The following SPHKAP variants were observed in gnomAD, a reference collection of about 807,000 sequenced individuals.
The protein encoded by SPHKAP is SPHK1 interactor, AKAP domain containing.
A neutral mutation model predicts 137.5 loss-of-function variants in SPHKAP; 67 were observed. The observed-to-expected ratio is 0.49, with a 90% confidence interval of 0.40 to 0.60. The LOEUF (loss-of-function observed/expected upper bound fraction) is 0.60, where lower values mean the gene tolerates loss of function less well. Ranked by LOEUF, SPHKAP falls within the 20% of genes least tolerant of loss-of-function variation. The probability of loss-of-function intolerance (pLI) is 0.00; values close to 1 mark genes in which losing one functional copy is unlikely to be tolerated. For missense variants in SPHKAP, 2,097 were observed against 2,069.3 expected (o/e 1.01, Z -0.26); for synonymous variants, 813 against 785.3 (o/e 1.04, Z -0.59).
chr2:228,173,235 T>C (rs546595928), intron 1 of SPHKAP, among the ~76,000 whole-genome samples: 3 of 152,182 alleles, frequency 2.0e-5, no homozygotes, highest in South Asian at 4.1e-4. Context: ...TTAGTCCTAG[T>C]AGAATTTCAT....
At chr2:228,000,186 T>C (rs1693795053) in intron 7 of SPHKAP, among the ~76,000 whole-genome samples, 1 of 152,210 alleles carries the variant, frequency 6.6e-6, no homozygotes, top group Admixed American at 6.5e-5. Context: ...CGTCTTAAGA[T>C]TGGCAACGTT....
At chr2:228,038,367 T>A (rs1695714027) in intron 3 of SPHKAP, among the ~76,000 whole-genome samples, 1 of 152,098 alleles carries the variant, frequency 6.6e-6, no homozygotes, top group Non-Finnish European at 1.5e-5. Flanking sequence ...ATAAAGTTTT[T>A]ATTTTTTTTT....
At chr2:228,168,662 A>G (rs1700489834) in intron 1 of SPHKAP, among the ~76,000 whole-genome samples, 1 of 152,134 alleles carries the variant, frequency 6.6e-6, no homozygotes, top group Middle Eastern at 3.2e-3. Context: ...ATTCTCCAAG[A>G]CAAAATAATA....
intron 11 of SPHKAP, among the ~76,000 whole-genome samples, chr2:227,983,497 C>G (rs1391979370): frequency 6.6e-6 from 1 of 152,124 alleles, no homozygotes; most frequent in Non-Finnish European, 1.5e-5. Flanking sequence ...AATCTCCCAG[C>G]AGAAGGACAT....
intron 1 of SPHKAP, among the ~76,000 whole-genome samples, chr2:228,154,550 T>A (rs1282782296): frequency 3.9e-4 from 26 of 66,594 alleles, no homozygotes; most frequent in Non-Finnish European, 6.3e-4. Flanking sequence ...TTTTTTTTTT[T>A]TTTTTTTTTT....
chr2:228,179,708 C>A (rs1700844344), intron 1 of SPHKAP, among the ~76,000 whole-genome samples: 1 of 152,170 alleles, frequency 6.6e-6, no homozygotes, highest in Non-Finnish European at 1.5e-5. Flanking sequence ...TAGGCCACTA[C>A]AAGATACAGA....
chr2:228,058,293 T>A (rs1696515388), intron 3 of SPHKAP, among the ~76,000 whole-genome samples: 1 of 152,228 alleles, frequency 6.6e-6, no homozygotes, highest in African/African-American at 2.4e-5. Context: ...AACGCTCATA[T>A]GTACAATGTC....
chr2:228,170,533 CTGATTAGTTGGCAG>C (rs1437180752), intron 1 of SPHKAP, among the ~76,000 whole-genome samples: 1 of 152,068 alleles, frequency 6.6e-6, no homozygotes, highest in African/African-American at 2.4e-5. Flanking sequence ...AACAATCACC[CTGATTAGTTGGCAG>C]CCATCAACGT....
At chr2:228,082,456 A>AGTT (rs5839252) in intron 3 of SPHKAP, among the ~76,000 whole-genome samples, 152,268 of 152,298 alleles carry the variant, frequency 1, 76,119 homozygotes, top group Middle Eastern at 1. Flanking sequence ...AAGTAGATAA[A>AGTT]GTTGTTATTA....
intron 2 of SPHKAP, among the ~76,000 whole-genome samples, chr2:228,129,735 AAT>A (rs926727087): frequency 1.1e-4 from 17 of 151,082 alleles, no homozygotes; most frequent in Admixed American, 8.6e-4. Context: ...TACACACACA[AAT>A]ATATATATAT....
At chr2:228,115,562 C>T (rs749707979) in intron 2 of SPHKAP, among the ~76,000 whole-genome samples, 1 of 152,096 alleles carries the variant, frequency 6.6e-6, no homozygotes, top group Non-Finnish European at 1.5e-5. Flanking sequence ...TAAGTTCTTT[C>T]AATTACTTAA....
At chr2:228,073,688 T>C (rs559229206) in intron 3 of SPHKAP, among the ~76,000 whole-genome samples, 12 of 152,340 alleles carry the variant, frequency 7.9e-5, no homozygotes, top group African/African-American at 2.6e-4. Context: ...TCACAGACTT[T>C]CAAAGCAGAA....
intron 7 of SPHKAP, among the ~76,000 whole-genome samples, chr2:228,015,704 T>C (rs1266475549): frequency 1.3e-5 from 2 of 152,196 alleles, no homozygotes; most frequent in African/African-American, 2.4e-5. Context: ...CAGTGTTGCT[T>C]TGCATTTACA....
chr2:228,018,630 T>A lies in SPHKAP; in HGVS notation c.2224A>T (p.Ile742Phe). The A allele has an allele frequency of 6.2e-7, 1 of 1,614,078 alleles. No homozygotes were observed. The highest frequency in any genetic ancestry group is 8.5e-7 in the Non-Finnish European group (1 of 1,180,010). ...ECPAVLSKET[I>F]RRRETEPSCQ... ...CTTGGTTCTGTCTCCCTCCTTCTGA[T>A]GGTCTCCTTAGAAAGGACAGCAGGA... Residue 742 changes from isoleucine (I) to phenylalanine (F), a missense_variant, in exon 7 of 12, where the codon ATC (isoleucine) becomes TTC (phenylalanine). Physicochemically the swap from Ile to Phe is conservative, Grantham distance 21. Coordinates refer to ENST00000392056, the MANE Select transcript of SPHKAP (RefSeq NM_001142644.2).
intron 7 of SPHKAP, among the ~76,000 whole-genome samples, chr2:228,001,595 G>A (rs762128684): frequency 1.1e-4 from 17 of 148,282 alleles, no homozygotes; most frequent in Non-Finnish European, 2.4e-4. Flanking sequence ...TATACTTTAA[G>A]TTCTAGGGTA....
intron 2 of SPHKAP, among the ~76,000 whole-genome samples, chr2:228,123,173 G>A (rs146091805): frequency 2.6e-4 from 39 of 152,250 alleles, no homozygotes; most frequent in African/African-American, 8.2e-4. Flanking sequence ...TCTTGAAAAC[G>A]ATCAGATTAG....
chr2:228,037,561 C>T (rs548632922), intron 3 of SPHKAP, among the ~76,000 whole-genome samples: 3 of 152,168 alleles, frequency 2.0e-5, no homozygotes, highest in African/African-American at 7.2e-5. Context: ...TAACTATATA[C>T]GAAAGTGACC....
chr2:228,001,389 A>G (rs968209596), intron 7 of SPHKAP, among the ~76,000 whole-genome samples: 1 of 142,444 alleles, frequency 7.0e-6, no homozygotes, highest in Admixed American at 7.3e-5. Flanking sequence ...ATATACACAT[A>G]TATAAATATA....
At position 228,181,650 on chromosome 2, in the gene SPHKAP, T is replaced by A. The variant is rs187706401; in HGVS notation, c.-52A>T. 5.5e-3 allele frequency: 8,924 copies of A among 1,613,938 alleles called. 47 individuals are homozygous for A. Among genetic ancestry groups the A allele is most frequent in the Non-Finnish European group, 6.9e-3 (8,096 of 1,179,936 alleles). ...ACGGAAAGTGCAGGCGAAGGATAAG[T>A]CTGTGGTGCTAGGACCCAGCTCCCA... On this transcript the variant is annotated 5_prime_UTR_variant, in exon 1 of 12. Coordinates refer to ENST00000392056, the MANE Select transcript of SPHKAP (RefSeq NM_001142644.2). This position sits in a 1 kb window ranked among gnomAD's most constrained non-coding sequence, Gnocchi z 4.3.
Sources: gnomAD v4.1 joint callset for allele counts (sites outside exome capture counted in the v4.1 genomes callset) on GRCh38, gnomAD v4.1.1 for gene constraint, Gnocchi (gnomAD v3.1) non-coding constraint, MANE v1.5 for transcripts, NCBI Gene and HGNC (gene_info 2026-07-23, HGNC 2026-07-21) for gene names.